The following KIF26B variants were observed in gnomAD, a reference collection of about 807,000 sequenced individuals.
The protein encoded by KIF26B is kinesin family member 26B, also known as kinesin-like protein KIF26B.
A neutral mutation model predicts 151.2 loss-of-function variants in KIF26B; 63 were observed. That is an observed-to-expected ratio of 0.42 (90% CI 0.34 to 0.51). KIF26B has a LOEUF of 0.51. Ranked by LOEUF, KIF26B falls within the 20% of genes least tolerant of loss-of-function variation. The probability of loss-of-function intolerance (pLI) is 0.07; values close to 1 mark genes in which losing one functional copy is unlikely to be tolerated. For missense variants in KIF26B, 2,813 were observed against 2,913.6 expected (o/e 0.97, Z 0.79); for synonymous variants, 1,357 against 1,262.1 (o/e 1.08, Z -1.59).
At chr1:245,340,357 GA>G (rs10711512) in intron 2 of KIF26B, among the ~76,000 whole-genome samples, 115,831 of 151,816 alleles carry the variant, frequency 0.76, 45,483 homozygotes, top group Non-Finnish European at 0.86. Flanking sequence ...TAATGACAAG[GA>G]AAAAAACTCT....
chr1:245,686,413 A>G lies in KIF26B; in HGVS notation c.3430A>G (p.Ser1144Gly). The G allele has an allele frequency of 6.2e-7, 1 of 1,613,392 alleles. No homozygotes were observed. The change falls in exon 12 of 15, where the codon AGC (serine) becomes GGC (glycine). Residue 1144 changes from serine to glycine, a missense_variant. Coordinates refer to ENST00000407071, the MANE Select transcript of KIF26B (RefSeq NM_018012.4). This position sits in a 1 kb window ranked among gnomAD's most constrained non-coding sequence, Gnocchi z 5.6. ...TTTGAAAAAATCCATGTCTGCTGGG[A>G]GCGAAGGGTTCCCGGAAACTCCTGT... ...QVLKKSMSAG[S>G]EGFPETPVDD... is the part of the protein sequence containing the mutation.
chr1:245,547,881 G>C (rs1383699011), intron 5 of KIF26B, among the ~76,000 whole-genome samples: 12 of 152,178 alleles, frequency 7.9e-5, no homozygotes, highest in Non-Finnish European at 5.9e-5. Flanking sequence ...TGGTCCTGTA[G>C]CCCAGAGTCT....
intron 2 of KIF26B, among the ~76,000 whole-genome samples, chr1:245,198,061 T>G (rs1159444655): frequency 6.6e-6 from 1 of 152,204 alleles, no homozygotes; most frequent in Non-Finnish European, 1.5e-5. Flanking sequence ...CCTCCCTTCC[T>G]CCTACCACCC....
chr1:245,487,423 G>T (rs1161090106), intron 4 of KIF26B, among the ~76,000 whole-genome samples: 8 of 152,138 alleles, frequency 5.3e-5, no homozygotes, highest in Admixed American at 5.2e-4. Context: ...CTACGTGCTG[G>T]CCAGTACTCT....
At chr1:245,449,746 T>C (rs906219812) in intron 4 of KIF26B, among the ~76,000 whole-genome samples, 4 of 152,236 alleles carry the variant, frequency 2.6e-5, no homozygotes, top group African/African-American at 4.8e-5. Context: ...AACCATCATT[T>C]GAATGAGGAG....
At chr1:245,278,453 C>A (rs1670977570) in intron 2 of KIF26B, among the ~76,000 whole-genome samples, 1 of 152,176 alleles carries the variant, frequency 6.6e-6, no homozygotes, top group Non-Finnish European at 1.5e-5. Context: ...GAATTTCCGG[C>A]CTAAATCGAT....
chr1:245,483,745 C>T (rs574121382), intron 4 of KIF26B, among the ~76,000 whole-genome samples: 1 of 151,830 alleles, frequency 6.6e-6, no homozygotes, highest in Admixed American at 6.6e-5. Flanking sequence ...AGTGCTGGAA[C>T]GTTCATTTTG....
At chr1:245,364,688 G>A (rs1263825225) in intron 2 of KIF26B, among the ~76,000 whole-genome samples, 3 of 152,074 alleles carry the variant, frequency 2.0e-5, no homozygotes, top group Non-Finnish European at 2.9e-5. Context: ...CCAAAGTGCT[G>A]GGATTACAGG....
chr1:245,677,586 C>T (rs992464516), intron 10 of KIF26B, among the ~76,000 whole-genome samples: 1 of 152,196 alleles, frequency 6.6e-6, no homozygotes, highest in Non-Finnish European at 1.5e-5. Flanking sequence ...TCTAGTACCC[C>T]AAAGCAAGTA....
chr1:245,190,079 A>G (rs1036118887), intron 2 of KIF26B, among the ~76,000 whole-genome samples: 2 of 37,996 alleles, frequency 5.3e-5, no homozygotes, highest in Non-Finnish European at 1.7e-4. Flanking sequence ...TTCAAGATGA[A>G]ATTAACCTAT....
chr1:245,633,004 T>C (rs972345353), intron 9 of KIF26B, among the ~76,000 whole-genome samples: 5 of 152,208 alleles, frequency 3.3e-5, no homozygotes, highest in African/African-American at 1.2e-4. Context: ...TTTTATATAA[T>C]ATATCTGGGT....
intron 3 of KIF26B, among the ~76,000 whole-genome samples, chr1:245,406,636 T>C (rs959770951): frequency 1.3e-5 from 2 of 152,150 alleles, no homozygotes; most frequent in East Asian, 3.8e-4. Context: ...GCTAATCTAA[T>C]TTCAGTCTCT....
chr1:245,247,777 T>G (rs1182905701), intron 2 of KIF26B, among the ~76,000 whole-genome samples: 3 of 152,320 alleles, frequency 2.0e-5, no homozygotes, highest in African/African-American at 7.2e-5. Flanking sequence ...CCAGAACAAT[T>G]AAGTCATCTG....
chr1:245,560,184 C>T lies in KIF26B; in HGVS notation c.1350+19234C>T, dbSNP rs1196916991. On this transcript the variant is annotated intron_variant, in intron 5 of 14. Transcript: ENST00000407071. This position sits in a 1 kb window ranked among gnomAD's most constrained non-coding sequence, Gnocchi z 4.3. Reference sequence around the variant, plus strand: ...TGAAAGGGGCTGTATCTTACTTGCCCCTTTTTGCATTTATTCATGTGGATA... The same window carrying T: ...TGAAAGGGGCTGTATCTTACTTGCCTCTTTTTGCATTTATTCATGTGGATA... Among the ~76,000 whole-genome samples, 3 of 152,128 alleles carry T rather than the reference C, an allele frequency of 2.0e-5. No individual in the cohort carries two copies. Among genetic ancestry groups the T allele is most frequent in the African/African-American group, 4.8e-5 (2 of 41,424 alleles).
intron 10 of KIF26B, among the ~76,000 whole-genome samples, chr1:245,682,406 G>A (rs182426849): frequency 6.6e-6 from 1 of 152,298 alleles, no homozygotes; most frequent in Admixed American, 6.5e-5. Flanking sequence ...AGAGCTGACT[G>A]TATATGATCA....
chr1:245,684,891 A>G lies in KIF26B; in HGVS notation c.2421+496A>G, dbSNP rs1314543574. On this transcript the variant is annotated intron_variant, in intron 11 of 14. Coordinates refer to ENST00000407071, the MANE Select transcript of KIF26B (RefSeq NM_018012.4). ...GGCAATTCAGTGGTTTCTGGATGAT[A>G]CTGAGTCTGCTGGACATCGCTGGGC... 2.6e-5 allele frequency among the ~76,000 whole-genome samples: 4 copies of G among 152,142 alleles called. No individual in the cohort carries two copies. In the East Asian group the frequency reaches 5.8e-4, roughly 22 times the overall value.
intron 2 of KIF26B, among the ~76,000 whole-genome samples, chr1:245,240,173 A>G (rs1670188711): frequency 6.6e-6 from 1 of 152,032 alleles, no homozygotes; most frequent in Non-Finnish European, 1.5e-5. Flanking sequence ...AAAAAAAAAG[A>G]GAGTCATTTC....
chr1:245,540,705 G>A lies in KIF26B; in HGVS notation c.1167-62G>A. The A allele has an allele frequency of 6.9e-7, 1 of 1,459,152 alleles. No homozygotes were observed. The highest frequency in any genetic ancestry group is 9.6e-7 in the Non-Finnish European group (1 of 1,038,746). 90.4% of individuals were successfully genotyped at this position (1,459,152 alleles called of 1,614,324 possible). On this transcript the variant is annotated intron_variant, in intron 4 of 14. Coordinates refer to ENST00000407071, the MANE Select transcript of KIF26B (RefSeq NM_018012.4). The surrounding 1 kb of genome is among the most constrained non-coding windows in gnomAD (Gnocchi z 4.6). The stretch of plus-strand genomic sequence containing the variant: ...GAGGGGTTGTTTAAGAGAAAACGAA[G>A]TAAGCCTAGCAGATCTGATCGTACA...
At position 245,496,702 on chromosome 1, in the gene KIF26B, TTGAG is replaced by T. The variant is rs1264838163; in HGVS notation, c.1167-44063_1167-44060del. On this transcript the variant is annotated intron_variant, in intron 4 of 14. Coordinates refer to ENST00000407071, the MANE Select transcript of KIF26B (RefSeq NM_018012.4). ...GCTATAAACTCAAGTATATCCGTAA[TTGAG>T]TTACATGAAAATTGACTAAATACTC... 2.0e-5 allele frequency among the ~76,000 whole-genome samples: 3 copies of T among 152,330 alleles called. No homozygotes were observed. The East Asian group carries it at 5.8e-4, about 29-fold the overall frequency.
Sources: gnomAD v4.1 joint callset for allele counts (sites outside exome capture counted in the v4.1 genomes callset) on GRCh38, gnomAD v4.1.1 for gene constraint, Gnocchi (gnomAD v3.1) non-coding constraint, MANE v1.5 for transcripts, NCBI Gene and HGNC (gene_info 2026-07-23, HGNC 2026-07-21) for gene names.